The following CDK14 variants were observed in gnomAD, a reference collection of about 807,000 sequenced individuals.
The protein encoded by CDK14 is cyclin-dependent kinase 14.
A neutral mutation model predicts 60.7 loss-of-function variants in CDK14; 34 were observed. The ratio of observed to expected loss-of-function variants is 0.56; its 90% confidence interval spans 0.43 to 0.75. CDK14 has a LOEUF of 0.75. CDK14 is among the 30% of genes least tolerant of loss of function. The pLI, the probability that CDK14 is intolerant of heterozygous loss-of-function variation, is 0.00. For missense variants in CDK14, 482 were observed against 564.1 expected (o/e 0.85, Z 1.47); for synonymous variants, 197 against 203.7 (o/e 0.97, Z 0.28).
Position 90,607,631 on chromosome 7 carries a change from G to A in CDK14, c.123+3382G>A, listed in dbSNP as rs140231126. Among the ~76,000 whole-genome samples the A allele has an allele frequency of 1.7e-4, 26 of 152,328 alleles. 1 individual carries two copies. The highest frequency in any genetic ancestry group is 1.4e-3 in the South Asian group (7 of 4,832). ...GTTGTAAACTGGGCTGTGTTTGTGA[G>A]CACACGTGTGTGTTTGTGTGTGTGT... On this transcript the variant is annotated intron_variant, in intron 2 of 14. Transcript: ENST00000380050.
chr7:90,984,860 A>G (rs1795331167), intron 10 of CDK14, among the ~76,000 whole-genome samples: 2 of 152,220 alleles, frequency 1.3e-5, no homozygotes, highest in African/African-American at 2.4e-5. Context: ...CATTCTACAA[A>G]ATACATGACT....
intron 11 of CDK14, among the ~76,000 whole-genome samples, chr7:91,061,656 G>A (rs1255227601): frequency 6.6e-6 from 1 of 152,192 alleles, no homozygotes; most frequent in Non-Finnish European, 1.5e-5. Context: ...GAGGTTTGCT[G>A]GAGGTCCACT....
intron 12 of CDK14, among the ~76,000 whole-genome samples, chr7:91,092,791 A>G (rs1036290406): frequency 3.3e-5 from 5 of 152,184 alleles, no homozygotes; most frequent in African/African-American, 1.2e-4. Context: ...TCCTCATAAC[A>G]TAGAGTTGAA....
chr7:90,687,788 G>T (rs1323115408), intron 2 of CDK14, among the ~76,000 whole-genome samples: 1 of 152,076 alleles, frequency 6.6e-6, no homozygotes, highest in Non-Finnish European at 1.5e-5. Flanking sequence ...ATTTGAAAGA[G>T]AAATACATTA....
intron 5 of CDK14, among the ~76,000 whole-genome samples, chr7:90,798,546 C>T (rs1220425886): frequency 2.6e-5 from 4 of 152,154 alleles, no homozygotes; most frequent in Admixed American, 6.6e-5. Context: ...CTGTGTTGAT[C>T]AATTTCTCAT....
chr7:90,682,648 G>T (rs945826776), intron 2 of CDK14, among the ~76,000 whole-genome samples: 1 of 152,018 alleles, frequency 6.6e-6, no homozygotes, highest in South Asian at 2.1e-4. Context: ...TTCCAATTCT[G>T]TCAGTTAACC....
intron 4 of CDK14, among the ~76,000 whole-genome samples, chr7:90,750,190 ACACACACACAC>A (rs750931988): frequency 0.17 from 25,114 of 143,606 alleles, 2,227 homozygotes; most frequent in South Asian, 0.22. Context: ...ACACACACAC[ACACACACACAC>A]CAATAATATT....
At chr7:90,699,807 C>A (rs1233376417) in intron 2 of CDK14, among the ~76,000 whole-genome samples, 4 of 152,108 alleles carry the variant, frequency 2.6e-5, no homozygotes, top group African/African-American at 9.7e-5. Context: ...TGGGGTCAGG[C>A]AGAAGGTACC....
At chr7:90,813,203 C>T (rs965744261) in intron 5 of CDK14, among the ~76,000 whole-genome samples, 1 of 152,122 alleles carries the variant, frequency 6.6e-6, no homozygotes, top group Admixed American at 6.5e-5. Context: ...TGCTCTGTCG[C>T]CCAGGCTGGA....
At chr7:91,095,752 T>G (rs888740971) in intron 12 of CDK14, among the ~76,000 whole-genome samples, 1 of 152,072 alleles carries the variant, frequency 6.6e-6, no homozygotes, top group Non-Finnish European at 1.5e-5. Flanking sequence ...ACTAACATAT[T>G]ACTATAAAAA....
chr7:91,003,133 A>C (rs567722906), intron 10 of CDK14, among the ~76,000 whole-genome samples: 1 of 152,320 alleles, frequency 6.6e-6, no homozygotes, highest in Admixed American at 6.5e-5. Context: ...ATCAAACAAA[A>C]TCATTCAAAT....
At chr7:90,987,032 T>C (rs1795390947) in intron 10 of CDK14, among the ~76,000 whole-genome samples, 1 of 140,282 alleles carries the variant, frequency 7.1e-6, no homozygotes, top group South Asian at 2.3e-4. Context: ...AGATATATTA[T>C]ACAGCAACAG....
intron 11 of CDK14, among the ~76,000 whole-genome samples, chr7:91,070,275 G>C (rs774688055): frequency 0.043 from 6,519 of 151,434 alleles, 189 homozygotes; most frequent in East Asian, 0.16. Context: ...GCTGCTGGTG[G>C]TGGTGGTGGT....
At chr7:90,831,037 T>C (rs112864368) in intron 5 of CDK14, among the ~76,000 whole-genome samples, 3,241 of 152,302 alleles carry the variant, frequency 0.021, 106 homozygotes, top group African/African-American at 0.073. Flanking sequence ...CAACTTTCTG[T>C]CTTCTGAGCC....
chr7:90,712,311 C>T (rs1802094460), intron 2 of CDK14, among the ~76,000 whole-genome samples: 1 of 151,928 alleles, frequency 6.6e-6, no homozygotes, highest in Non-Finnish European at 1.5e-5. Flanking sequence ...CATTCCCCTT[C>T]CCCCTGCCCC....
At chr7:91,106,332 A>G (rs1052520731) in intron 12 of CDK14, among the ~76,000 whole-genome samples, 19 of 152,214 alleles carry the variant, frequency 1.2e-4, no homozygotes, top group African/African-American at 4.3e-4. Flanking sequence ...GAATTATTAA[A>G]TATATACCCA....
At chr7:90,777,891 C>G (rs1158402167) in intron 4 of CDK14, among the ~76,000 whole-genome samples, 1 of 152,214 alleles carries the variant, frequency 6.6e-6, no homozygotes, top group Non-Finnish European at 1.5e-5. Context: ...TAACCATTTG[C>G]AAGTATCATG....
chr7:90,902,136 A>G (rs944943522), intron 7 of CDK14, among the ~76,000 whole-genome samples: 1 of 152,104 alleles, frequency 6.6e-6, no homozygotes, highest in Non-Finnish European at 1.5e-5. Context: ...ATGATCATGG[A>G]TTAGACAAAT....
chr7:91,073,297 A>C (rs530555649), intron 11 of CDK14, among the ~76,000 whole-genome samples: 6 of 152,338 alleles, frequency 3.9e-5, no homozygotes, highest in Non-Finnish European at 8.8e-5. Context: ...CATCAGACTA[A>C]CAGCTGATCT....
Sources: allele counts gnomAD v4.1 joint callset (sites outside exome capture counted in the v4.1 genomes callset), GRCh38; gene constraint gnomAD v4.1.1; transcripts MANE v1.5; gene names NCBI Gene and HGNC (gene_info 2026-07-23, HGNC 2026-07-21).